PIAS1: variants seen among roughly 807,000 people sequenced by gnomAD.
The protein encoded by PIAS1 is protein inhibitor of activated STAT 1, also known as E3 SUMO-protein ligase PIAS1.
A neutral mutation model predicts 71.3 loss-of-function variants in PIAS1; 6 were observed. That is an observed-to-expected ratio of 0.08 (90% CI 0.05 to 0.17). The LOEUF is 0.17. PIAS1 is among the 10% of genes least tolerant of loss of function. PIAS1 has a pLI of 1.00. For missense variants in PIAS1, 555 were observed against 793.6 expected (o/e 0.70, Z 3.61); for synonymous variants, 303 against 292.9 (o/e 1.03, Z -0.35).
At chr15:68,119,753 T>A (rs1473176189) in intron 2 of PIAS1, among the ~76,000 whole-genome samples, 2 of 152,214 alleles carry the variant, frequency 1.3e-5, no homozygotes, top group Non-Finnish European at 2.9e-5. Context: ...TATCACTTAT[T>A]GAGAGAGGGA....
intron 11 of PIAS1, among the ~76,000 whole-genome samples, chr15:68,177,662 C>T (rs574542323): frequency 6.6e-6 from 1 of 152,258 alleles, no homozygotes; most frequent in South Asian, 2.1e-4. Flanking sequence ...TGAGTAAGTA[C>T]AGTCTTAACC....
intron 1 of PIAS1, among the ~76,000 whole-genome samples, chr15:68,069,295 G>A (rs76039547): frequency 0.016 from 2,449 of 152,154 alleles, 32 homozygotes; most frequent in Non-Finnish European, 0.025. Flanking sequence ...GTGGCTATAG[G>A]TATTCTCTGC....
rs1325346394 is a variant in PIAS1, at chr15:68,173,761, T to C, written c.1038T>C (p.Cys346=). Residue 346 remains cysteine, a synonymous_variant, in exon 9 of 14, where the codon TGT becomes TGC. Coordinates refer to ENST00000249636, the MANE Select transcript of PIAS1 (RefSeq NM_016166.3). This position sits in a 1 kb window ranked among gnomAD's most constrained non-coding sequence, Gnocchi z 4.3. The part of the protein sequence containing the change: ...PLGKMRLTIP[C]RALTCSHLQC... ...GTAAAATGCGGCTGACAATTCCGTGTCGGGCCCTTACATGTTCTCATCTAC... is the reference window on the plus strand; with the variant it reads ...GTAAAATGCGGCTGACAATTCCGTGCCGGGCCCTTACATGTTCTCATCTAC... The C allele has an allele frequency of 1.3e-6, 2 of 1,565,378 alleles. No individual in the cohort carries two copies. Among genetic ancestry groups the C allele is most frequent in the Non-Finnish European group, 8.7e-7 (1 of 1,148,278 alleles).
chr15:68,087,401 T>C (rs972085199), intron 2 of PIAS1, among the ~76,000 whole-genome samples: 1 of 152,228 alleles, frequency 6.6e-6, no homozygotes, highest in East Asian at 1.9e-4. Context: ...ATTGCTATAA[T>C]GCTACCTTAT....
At chr15:68,118,335 AAT>A (rs887080487) in intron 2 of PIAS1, among the ~76,000 whole-genome samples, 17 of 137,394 alleles carry the variant, frequency 1.2e-4, no homozygotes, top group East Asian at 4.0e-4. Context: ...AAAAAAAAAA[AAT>A]AATAATAAAT....
intron 1 of PIAS1, among the ~76,000 whole-genome samples, chr15:68,073,877 A>T (rs1019190804): frequency 6.6e-6 from 1 of 152,210 alleles, no homozygotes; most frequent in Non-Finnish European, 1.5e-5. Context: ...GGAGGCAGGG[A>T]GAAAAGTTAA....
rs183619885 is a variant in PIAS1 at position 68,187,850 on chromosome 15, T to C, written c.*15T>C. ...CATTGGACTGATTCCCAGGCCCTGC[T>C]GCTCCCATCCCCACCCCAGATCGAA... On this transcript the variant is annotated 3_prime_UTR_variant, in exon 14 of 14. Coordinates refer to ENST00000249636, the MANE Select transcript of PIAS1 (RefSeq NM_016166.3). This position sits in a 1 kb window ranked among gnomAD's most constrained non-coding sequence, Gnocchi z 5.3. 1.3e-4 allele frequency: 212 copies of C among 1,606,768 alleles called. No individual in the cohort carries two copies. In the African/African-American group the frequency reaches 2.4e-3, roughly 19 times the overall value.
rs2091873899 is a variant in PIAS1, at chr15:68,054,566, C to G, written c.24+216C>G. ...CTCGGGGGCGCTGACGGGTCGTCCC[C>G]GGCGTGTTATTGTTGTGGGCGCCTC... On this transcript the variant is annotated intron_variant, in intron 1 of 13. Coordinates refer to ENST00000249636, the MANE Select transcript of PIAS1 (RefSeq NM_016166.3). The surrounding 1 kb of genome is among the most constrained non-coding windows in gnomAD (Gnocchi z 4.6). 4 of 436,910 alleles carry G rather than the reference C, an allele frequency of 9.2e-6. No individual in the cohort carries two copies. The highest frequency in any genetic ancestry group is 3.8e-5 in the South Asian group (1 of 26,036). 27.1% of individuals were successfully genotyped at this position (436,910 alleles called of 1,614,324 possible).
intron 6 of PIAS1, among the ~76,000 whole-genome samples, chr15:68,151,043 A>G (rs2092840228): frequency 1.3e-5 from 2 of 149,390 alleles, no homozygotes; most frequent in South Asian, 4.2e-4. Flanking sequence ...AAAGCAATAA[A>G]CAAAACTATC....
chr15:68,111,968 T>C (rs1286065610), intron 2 of PIAS1, among the ~76,000 whole-genome samples: 1 of 152,146 alleles, frequency 6.6e-6, no homozygotes, highest in Non-Finnish European at 1.5e-5. Context: ...TCTTATTCTC[T>C]TACTACATAC....
chr15:68,085,955 A>G (rs2092277648), intron 1 of PIAS1, among the ~76,000 whole-genome samples: 1 of 152,188 alleles, frequency 6.6e-6, no homozygotes, highest in Non-Finnish European at 1.5e-5. Context: ...TTTGCCATCT[A>G]CATAGCACTC....
At chr15:68,140,596 G>T (rs2092763415) in intron 2 of PIAS1, among the ~76,000 whole-genome samples, 1 of 152,156 alleles carries the variant, frequency 6.6e-6, no homozygotes, top group South Asian at 2.1e-4. Flanking sequence ...GCCTTTTAAA[G>T]ATACTGTTAA....
chr15:68,135,411 A>G (rs1440629007), intron 2 of PIAS1, among the ~76,000 whole-genome samples: 1 of 36,622 alleles, frequency 2.7e-5, no homozygotes. Flanking sequence ...CTGGCCGGGC[A>G]GAGGGGCTCC....
rs2091874540 is a variant in PIAS1, at chr15:68,054,609, GAA to G, written c.24+260_24+261del. ...GGCGCCTCTGGCGGGGGTGGCGGGG[GAA>G]GAGATAGGGAGTCCGGAGGTAGGGG... On this transcript the variant is annotated intron_variant, in intron 1 of 13. Transcript: ENST00000249636. This position sits in a 1 kb window ranked among gnomAD's most constrained non-coding sequence, Gnocchi z 4.6. 1 of 419,920 alleles carries G rather than the reference GAA, an allele frequency of 2.4e-6. No homozygotes were observed. The highest frequency in any genetic ancestry group is 4.2e-6 in the Non-Finnish European group (1 of 236,060). The allele number at this position is 419,920 out of a possible 1,614,324, so 26.0% of individuals were successfully genotyped here. A position where few individuals can be genotyped will look rare whatever the true frequency, so the allele number is the denominator to read the frequency against.
Position 68,191,265 on chromosome 15 carries a change from CT to C in PIAS1, c.*3433del, listed in dbSNP as rs1253100947. 6.6e-6 allele frequency: 1 copy of C among 152,620 alleles called. No homozygotes were observed. Among genetic ancestry groups the C allele is most frequent in the African/African-American group, 2.4e-5 (1 of 41,454 alleles). The allele number at this position is 152,620 out of a possible 1,614,324, so 9.5% of individuals were successfully genotyped here. A position where few individuals can be genotyped will look rare whatever the true frequency, so the allele number is the denominator to read the frequency against. ...AAATCTGTGATTCATTGCCTTAAAA[CT>C]TTCTCTCTTAGAATTTCCATACCGC... On this transcript the variant is annotated 3_prime_UTR_variant, in exon 14 of 14. Transcript: ENST00000249636.
intron 2 of PIAS1, among the ~76,000 whole-genome samples, chr15:68,104,182 G>A (rs2092451113): frequency 6.6e-6 from 1 of 152,074 alleles, no homozygotes; most frequent in South Asian, 2.1e-4. Context: ...CTTACAAATA[G>A]CACGTACCTG....
chr15:68,117,972 A>T (rs1281041796), intron 2 of PIAS1, among the ~76,000 whole-genome samples: 3 of 152,144 alleles, frequency 2.0e-5, no homozygotes, highest in African/African-American at 7.2e-5. Flanking sequence ...TCCCACCATC[A>T]TTATGTTAAG....
intron 2 of PIAS1, among the ~76,000 whole-genome samples, chr15:68,121,124 ACTTT>A (rs1166325374): frequency 6.6e-6 from 1 of 152,120 alleles, no homozygotes. Flanking sequence ...TCCTTGAAGG[ACTTT>A]CTTTACCATT....
At position 68,173,845 on chromosome 15, in the gene PIAS1, T is replaced by C; in HGVS notation, c.1122T>C (p.Cys374=). The C allele has an allele frequency of 6.3e-7, 1 of 1,595,048 alleles. No individual in the cohort carries two copies. ...ATGAGAAAAAACCAACCTGGGTTTG[T>C]CCTGTCTGTGATAAGAAGGCTCCAT... is the stretch of plus-strand genomic sequence containing the variant. ...QMNEKKPTWV[C]PVCDKKAPYE... The change falls in exon 9 of 14, where the codon TGT becomes TGC. Residue 374 remains cysteine (C), a synonymous_variant. Coordinates refer to ENST00000249636, the MANE Select transcript of PIAS1 (RefSeq NM_016166.3). This position sits in a 1 kb window ranked among gnomAD's most constrained non-coding sequence, Gnocchi z 4.3.
Sources: allele counts gnomAD v4.1 joint callset (sites outside exome capture counted in the v4.1 genomes callset), GRCh38; gene constraint gnomAD v4.1.1; non-coding constraint Gnocchi (gnomAD v3.1); transcripts MANE v1.5; gene names NCBI Gene and HGNC (gene_info 2026-07-23, HGNC 2026-07-21).